Variants in DAAM1 observed in about 807,000 individuals in gnomAD.
DAAM1 encodes the protein dishevelled associated activator of morphogenesis 1, also known as disheveled-associated activator of morphogenesis 1.
A neutral mutation model predicts 130.0 loss-of-function variants in DAAM1; 52 were observed. That is an observed-to-expected ratio of 0.40 (90% confidence interval 0.32 to 0.50). The LOEUF (loss-of-function observed/expected upper bound fraction) is 0.50. Among genes scored for constraint, DAAM1 ranks in the 20% least tolerant of loss-of-function variants. DAAM1 has a pLI of 0.61. For missense variants in DAAM1, 1,134 were observed against 1,303.8 expected (o/e 0.87, Z 2.01); for synonymous variants, 452 against 444.5 (o/e 1.02, Z -0.21).
At chr14:59,189,506 C>T (rs1027368095) in intron 1 of DAAM1, among the ~76,000 whole-genome samples, 1 of 152,056 alleles carries the variant, frequency 6.6e-6, no homozygotes, top group African/African-American at 2.4e-5. Flanking sequence ...CTCGGGAGGG[C>T]GCATCTCAGT....
At chr14:59,267,892 A>ACG (rs1205606564) in intron 2 of DAAM1, among the ~76,000 whole-genome samples, 1 of 125,898 alleles carries the variant, frequency 7.9e-6, no homozygotes, top group African/African-American at 3.0e-5. Context: ...ATGTGGATAT[A>ACG]CGCCCCCCCC....
At chr14:59,225,954 T>C (rs1006956290) in intron 1 of DAAM1, among the ~76,000 whole-genome samples, 6 of 152,174 alleles carry the variant, frequency 3.9e-5, no homozygotes, top group African/African-American at 1.4e-4. Flanking sequence ...CTCTTACTAA[T>C]GTGGCAAGAA....
intron 1 of DAAM1, among the ~76,000 whole-genome samples, chr14:59,220,839 C>A (rs1888746911): frequency 6.6e-6 from 1 of 152,164 alleles, no homozygotes; most frequent in African/African-American, 2.4e-5. Flanking sequence ...CCTTCCTCTG[C>A]CTTTTTGTTC....
At chr14:59,289,284 A>G (rs1185620210) in intron 2 of DAAM1, among the ~76,000 whole-genome samples, 1 of 152,102 alleles carries the variant, frequency 6.6e-6, no homozygotes, top group East Asian at 1.9e-4. Context: ...AGTGAGGGGG[A>G]ATCCACCCCC....
At chr14:59,323,375 G>C in intron 6 of DAAM1, 150 bp downstream of exon 6, 1 of 875,490 alleles carries the variant, frequency 1.1e-6, no homozygotes, top group Non-Finnish European at 1.7e-6. Flanking sequence ...CTTCTTCTTA[G>C]GTTTAAGAAC....
intron 2 of DAAM1, among the ~76,000 whole-genome samples, chr14:59,283,043 A>G (rs1239905180): frequency 6.6e-6 from 1 of 152,094 alleles, no homozygotes; most frequent in Admixed American, 6.6e-5. Context: ...GAAGTTATCT[A>G]CCTGTGACAG....
intron 1 of DAAM1, among the ~76,000 whole-genome samples, chr14:59,200,420 GCT>G (rs1594753660): frequency 6.6e-6 from 1 of 152,264 alleles, no homozygotes; most frequent in African/African-American, 2.4e-5. Context: ...TGTGGGAAGG[GCT>G]CTGAAGAGGA....
intron 1 of DAAM1, among the ~76,000 whole-genome samples, chr14:59,263,127 G>A (rs915282105): frequency 6.6e-6 from 1 of 152,194 alleles, no homozygotes; most frequent in Non-Finnish European, 1.5e-5. Context: ...AAACTAGGTC[G>A]GCAGGAAAGG....
intron 1 of DAAM1, among the ~76,000 whole-genome samples, chr14:59,220,491 T>C (rs1433438394): frequency 6.6e-6 from 1 of 152,224 alleles, no homozygotes; most frequent in Non-Finnish European, 1.5e-5. Flanking sequence ...ATAGCCACAA[T>C]TATTGCCCCA....
intron 1 of DAAM1, among the ~76,000 whole-genome samples, chr14:59,221,836 T>C (rs892561873): frequency 6.6e-6 from 1 of 152,236 alleles, no homozygotes; most frequent in African/African-American, 2.4e-5. Flanking sequence ...GGAAGCATTC[T>C]TCCCTCTGGA....
chr14:59,247,678 G>A (rs926158302), intron 1 of DAAM1, among the ~76,000 whole-genome samples: 1 of 151,528 alleles, frequency 6.6e-6, no homozygotes, highest in African/African-American at 2.4e-5. Flanking sequence ...TCAGCGACAG[G>A]TTGATAATTA....
intron 15 of DAAM1, among the ~76,000 whole-genome samples, chr14:59,339,126 T>G (rs1461643755): frequency 2.0e-5 from 3 of 152,220 alleles, no homozygotes; most frequent in African/African-American, 7.2e-5. Flanking sequence ...AGGTACTACT[T>G]TAATTCAGCC....
rs530890508 is a variant in DAAM1, at chr14:59,228,734, A to G, written c.-37-34707A>G. Among the ~76,000 whole-genome samples, 307 of 152,290 alleles carry G rather than the reference A, an allele frequency of 2.0e-3. 2 individuals are homozygous for G. The highest frequency in any genetic ancestry group is 6.8e-3 in the African/African-American group (283 of 41,564). ...CTGGAGGCCAGCACACTCAGTCCAC[A>G]TGTCCACTTATAATCTGAATAAATC... is the stretch of plus-strand genomic sequence containing the variant. On this transcript the variant is annotated intron_variant, in intron 1 of 24. Transcript: ENST00000360909.
intron 2 of DAAM1, among the ~76,000 whole-genome samples, chr14:59,284,696 A>G (rs1883365231): frequency 6.7e-6 from 1 of 148,432 alleles, no homozygotes; most frequent in African/African-American, 2.4e-5. Flanking sequence ...TAACAACAGA[A>G]TAGACCAAAC....
intron 14 of DAAM1, 51 bp downstream of exon 14, chr14:59,331,559 T>C (rs1566708329): frequency 6.6e-7 from 1 of 1,525,658 alleles, no homozygotes; most frequent in Non-Finnish European, 8.8e-7. Flanking sequence ...TAGCAGCTCA[T>C]TGTGTTATCA....
At chr14:59,285,370 A>G (rs78270394) in intron 2 of DAAM1, among the ~76,000 whole-genome samples, 10,030 of 152,232 alleles carry the variant, frequency 0.066, 429 homozygotes, top group Non-Finnish European at 0.097. Flanking sequence ...ACATATGCAC[A>G]TACAATCAAG....
At chr14:59,276,827 AG>A (rs1882989485) in intron 2 of DAAM1, among the ~76,000 whole-genome samples, 1 of 152,178 alleles carries the variant, frequency 6.6e-6, no homozygotes, top group Admixed American at 6.5e-5. Flanking sequence ...ACATACAAAT[AG>A]CGAGTTGATT....
At chr14:59,196,804 T>TA (rs993216677) in intron 1 of DAAM1, among the ~76,000 whole-genome samples, 4 of 152,176 alleles carry the variant, frequency 2.6e-5, no homozygotes, top group Admixed American at 2.6e-4. Flanking sequence ...TGTAAGAAAT[T>TA]AAAGGAAATG....
At chr14:59,229,614 G>A (rs1008347235) in intron 1 of DAAM1, among the ~76,000 whole-genome samples, 2 of 152,202 alleles carry the variant, frequency 1.3e-5, no homozygotes, top group Non-Finnish European at 2.9e-5. Context: ...AAATCCAGTA[G>A]GAAGATTTCT....
Sources: allele counts gnomAD v4.1 joint callset (sites outside exome capture counted in the v4.1 genomes callset), GRCh38; gene constraint gnomAD v4.1.1; transcripts MANE v1.5; gene names NCBI Gene and HGNC (gene_info 2026-07-23, HGNC 2026-07-21).